The following FOXP2 variants were observed in gnomAD, a reference collection of about 807,000 sequenced individuals.
The protein encoded by FOXP2 is forkhead box protein P2.
FOXP2 carries 12 observed loss-of-function variants against 115.8 expected under a neutral mutation model. The observed-to-expected ratio is 0.10, with a 90% confidence interval of 0.07 to 0.17. The LOEUF (loss-of-function observed/expected upper bound fraction) is 0.17, where lower values mean the gene tolerates loss of function less well. Ranked by LOEUF, FOXP2 falls within the 10% of genes least tolerant of loss-of-function variation. FOXP2 has a pLI of 1.00. For missense variants in FOXP2, 629 were observed against 843.5 expected, an observed-to-expected ratio of 0.75 and a Z score of 3.15; for synonymous variants, 328 against 297.7, an observed-to-expected ratio of 1.10 and a Z score of -1.05.
chr7:114,540,100 G>T lies in FOXP2; in HGVS notation c.258+5394G>T, dbSNP rs1489683016. ...AAATTGGTATTTAATTCAAGGTTATGATATATATTCTATATCATAGCATTT... is the reference window on the plus strand; with the variant it reads ...AAATTGGTATTTAATTCAAGGTTATTATATATATTCTATATCATAGCATTT... On this transcript the variant is annotated intron_variant, in intron 3 of 16. Coordinates refer to ENST00000350908, the MANE Select transcript of FOXP2 (RefSeq NM_014491.4). 2.0e-5 allele frequency among the ~76,000 whole-genome samples: 3 copies of T among 151,848 alleles called. No homozygotes were observed. In the East Asian group the frequency reaches 5.8e-4, roughly 29 times the overall value.
At chr7:114,322,752 A>G (rs957668519) in intron 2 of FOXP2, among the ~76,000 whole-genome samples, 1 of 152,206 alleles carries the variant, frequency 6.6e-6, no homozygotes, top group Non-Finnish European at 1.5e-5. Flanking sequence ...TAGTAGTCAC[A>G]TTTGTTAGTG....
At chr7:114,471,868 G>A (rs1796063003) in intron 2 of FOXP2, among the ~76,000 whole-genome samples, 1 of 151,650 alleles carries the variant, frequency 6.6e-6, no homozygotes, top group South Asian at 2.1e-4. Flanking sequence ...GCTGAGGCAG[G>A]AGAATTGCTT....
intron 2 of FOXP2, among the ~76,000 whole-genome samples, chr7:114,401,012 TA>T (rs1458972659): frequency 1.3e-5 from 2 of 152,096 alleles, no homozygotes; most frequent in African/African-American, 4.8e-5. Flanking sequence ...TGGGTAAACT[TA>T]CCTAACAGGA....
chr7:114,631,378 AAC>A, intron 5 of FOXP2, 148 bp from the exon 6 acceptor site: 1 of 1,331,490 alleles, frequency 7.5e-7, no homozygotes, highest in Non-Finnish European at 1.0e-6. Context: ...GAAAATCTAG[AAC>A]TTACTCACAT....
At chr7:114,194,406 T>A (rs1319195766) in intron 1 of FOXP2, among the ~76,000 whole-genome samples, 3 of 152,086 alleles carry the variant, frequency 2.0e-5, no homozygotes, top group Non-Finnish European at 2.9e-5. Flanking sequence ...TCCTTTGATT[T>A]CCTCTTAAAC....
intron 10 of FOXP2, among the ~76,000 whole-genome samples, chr7:114,657,091 T>A (rs1806630564): frequency 6.6e-6 from 1 of 152,150 alleles, no homozygotes; most frequent in Non-Finnish European, 1.5e-5. Flanking sequence ...ACCATTTAAA[T>A]GTATGGCAGA....
intron 1 of FOXP2, among the ~76,000 whole-genome samples, chr7:114,144,403 T>C (rs1290775733): frequency 6.6e-6 from 1 of 152,176 alleles, no homozygotes; most frequent in East Asian, 1.9e-4. Flanking sequence ...TATCTGATTG[T>C]GTGACATTTA....
intron 1 of FOXP2, among the ~76,000 whole-genome samples, chr7:114,245,356 A>G (rs1795255352): frequency 6.6e-6 from 1 of 152,216 alleles, no homozygotes; most frequent in Non-Finnish European, 1.5e-5. Context: ...TAGAAGATGA[A>G]TGCAGGAAAC....
intron 7 of FOXP2, 96 bp from the exon 8 acceptor site, chr7:114,644,589 A>C (rs1439236230): frequency 1.0e-6 from 1 of 979,826 alleles, no homozygotes; most frequent in African/African-American, 1.6e-5. Context: ...ACCTGTTTTG[A>C]CCTGTTTGTC....
At chr7:114,437,197 A>T (rs1027864642) in intron 2 of FOXP2, among the ~76,000 whole-genome samples, 1 of 152,136 alleles carries the variant, frequency 6.6e-6, no homozygotes, top group African/African-American at 2.4e-5. Context: ...CATATGCCAC[A>T]TTGTCAGTGG....
chr7:114,587,577 C>G (rs1584927229), intron 3 of FOXP2, among the ~76,000 whole-genome samples: 1 of 152,054 alleles, frequency 6.6e-6, no homozygotes, highest in Admixed American at 6.5e-5. Flanking sequence ...CTGGATGTTT[C>G]ATTATTCGTA....
chr7:114,620,426 A>G (rs1406571666), intron 3 of FOXP2, among the ~76,000 whole-genome samples: 4 of 152,058 alleles, frequency 2.6e-5, no homozygotes. Flanking sequence ...ATGAACTGTA[A>G]TTCACTGAGC....
intron 3 of FOXP2, among the ~76,000 whole-genome samples, chr7:114,537,223 C>T (rs1436649164): frequency 6.6e-6 from 1 of 151,488 alleles, no homozygotes; most frequent in Non-Finnish European, 1.5e-5. Flanking sequence ...TTTAACCAAA[C>T]ATTCATAATA....
chr7:114,495,030 G>C (rs533430974), intron 2 of FOXP2, among the ~76,000 whole-genome samples: 2 of 152,298 alleles, frequency 1.3e-5, no homozygotes, highest in African/African-American at 2.4e-5. Flanking sequence ...TGAGAAGGTA[G>C]CATTACACAC....
intron 13 of FOXP2, among the ~76,000 whole-genome samples, chr7:114,660,831 A>C (rs1418736635): frequency 6.6e-6 from 1 of 152,150 alleles, no homozygotes; most frequent in Non-Finnish European, 1.5e-5. Flanking sequence ...AAGAAATTTT[A>C]AAAGAAATGA....
chr7:114,329,230 T>A (rs1019733676), intron 2 of FOXP2, among the ~76,000 whole-genome samples: 8 of 152,042 alleles, frequency 5.3e-5, no homozygotes, highest in African/African-American at 1.9e-4. Context: ...AAAAATTGTG[T>A]TATCTGGCCA....
At chr7:114,123,691 C>T (rs1204444257) in intron 1 of FOXP2, among the ~76,000 whole-genome samples, 1 of 152,022 alleles carries the variant, frequency 6.6e-6, no homozygotes, top group Non-Finnish European at 1.5e-5. Flanking sequence ...AGTTGGACAA[C>T]TTTGTCACTT....
At chr7:114,353,682 A>G (rs1479958709) in intron 2 of FOXP2, among the ~76,000 whole-genome samples, 3 of 152,002 alleles carry the variant, frequency 2.0e-5, no homozygotes, top group African/African-American at 7.2e-5. Flanking sequence ...AAAGAGGTAA[A>G]TCACTCCTTC....
intron 3 of FOXP2, among the ~76,000 whole-genome samples, chr7:114,547,479 C>T (rs527327461): frequency 6.6e-6 from 1 of 152,028 alleles, no homozygotes; most frequent in African/African-American, 2.4e-5. Flanking sequence ...TGTGATTGGC[C>T]CAGCGCTGTG....
Sources: gnomAD v4.1 joint callset for allele counts (sites outside exome capture counted in the v4.1 genomes callset) on GRCh38, gnomAD v4.1.1 for gene constraint, MANE v1.5 for transcripts, NCBI Gene and HGNC (gene_info 2026-07-23, HGNC 2026-07-21) for gene names.